The following ACACA variants were observed in gnomAD, a reference collection of about 807,000 sequenced individuals.
The protein encoded by ACACA is acetyl-CoA carboxylase alpha, also known as acetyl-CoA carboxylase 1.
A neutral mutation model predicts 296.1 loss-of-function variants in ACACA; 103 were observed. That is an observed-to-expected ratio of 0.35 (90% CI 0.30 to 0.41). The LOEUF (loss-of-function observed/expected upper bound fraction) is 0.41. Ranked by LOEUF, ACACA falls within the 10% of genes least tolerant of loss-of-function variation. The pLI is 1.00. For missense variants in ACACA, 1,554 were observed against 2,989.7 expected (o/e 0.52, Z 11.20); for synonymous variants, 953 against 1,038.6 (o/e 0.92, Z 1.58).
chr17:37,176,831 C>G (rs182548040), intron 41 of ACACA, among the ~76,000 whole-genome samples: 160 of 152,184 alleles, frequency 1.1e-3, no homozygotes, highest in Non-Finnish European at 1.5e-3. Flanking sequence ...TGTGCAGTGC[C>G]CTATAATCTA....
At chr17:37,390,357 G>A (rs1165885298) in intron 1 of ACACA, among the ~76,000 whole-genome samples, 13 of 80,170 alleles carry the variant, frequency 1.6e-4, no homozygotes, top group Non-Finnish European at 2.7e-4. Flanking sequence ...GGCCGGGCAC[G>A]GTGGCTCACG....
chr17:37,168,831 C>T (rs1404430258), intron 41 of ACACA, among the ~76,000 whole-genome samples: 1 of 152,120 alleles, frequency 6.6e-6, no homozygotes, highest in Non-Finnish European at 1.5e-5. Context: ...TCAGAAGTAA[C>T]TGCTTCAGTG....
chr17:37,122,462 T>G, intron 49 of ACACA, 69 bp downstream of exon 49: 1 of 1,186,392 alleles, frequency 8.4e-7, no homozygotes, highest in Non-Finnish European at 1.2e-6. Context: ...ATGTTCCTGA[T>G]GTATTCACAG....
At chr17:37,148,251 C>A (rs2075897603) in intron 45 of ACACA, among the ~76,000 whole-genome samples, 1 of 151,358 alleles carries the variant, frequency 6.6e-6, no homozygotes, top group Non-Finnish European at 1.5e-5. Context: ...AAAACAACAA[C>A]CTTAAGACTC....
At chr17:37,124,171 A>G (rs950280347) in intron 48 of ACACA, among the ~76,000 whole-genome samples, 2 of 152,232 alleles carry the variant, frequency 1.3e-5, no homozygotes, top group Non-Finnish European at 2.9e-5. Flanking sequence ...TGCTTTTGAA[A>G]GAAGCTAGAG....
At position 37,330,335 on chromosome 17, in the gene ACACA, C is replaced by T; in HGVS notation, c.176G>A (p.Gly59Asp). 1 of 1,614,172 alleles carries T rather than the reference C, an allele frequency of 6.2e-7. No homozygotes were observed. Among genetic ancestry groups the T allele is most frequent in the Non-Finnish European group, 8.5e-7 (1 of 1,180,042 alleles). ...ELNQHSRFII[G>D]SVSEDNSEDE... The stretch of plus-strand genomic sequence containing the variant: ...CTCTGAGTTATCTTCAGACACAGAA[C>T]CTATTATGAATCGAGAGTGCTGGTT... Residue 59 changes from glycine to aspartate, a missense_variant, in exon 3 of 56, where the codon GGT (glycine) becomes GAT (aspartate). Physicochemically the swap from Gly to Asp is moderately conservative, Grantham distance 94. Transcript: ENST00000616317.
At chr17:37,139,642 C>G (rs1421716154) in intron 45 of ACACA, among the ~76,000 whole-genome samples, 1 of 152,174 alleles carries the variant, frequency 6.6e-6, no homozygotes, top group African/African-American at 2.4e-5. Context: ...GGACTTTCAA[C>G]AAGGCAGAGG....
intron 1 of ACACA, among the ~76,000 whole-genome samples, chr17:37,365,089 C>T (rs993791338): frequency 6.6e-6 from 1 of 152,102 alleles, no homozygotes; most frequent in Non-Finnish European, 1.5e-5. Context: ...TCTCCTGCCT[C>T]AGCCTCCCGA....
chr17:37,293,999 T>C (rs1598420317), intron 3 of ACACA, among the ~76,000 whole-genome samples: 3 of 152,166 alleles, frequency 2.0e-5, no homozygotes, highest in East Asian at 3.8e-4. Flanking sequence ...ATGTTTTTAA[T>C]AGCCAGCGAA....
chr17:37,382,221 G>A (rs2050324584), intron 1 of ACACA, among the ~76,000 whole-genome samples: 1 of 152,042 alleles, frequency 6.6e-6, no homozygotes, highest in Admixed American at 6.6e-5. Context: ...CTAGAGGTTG[G>A]TTCCATTGTG....
chr17:37,123,593 T>C (rs1385282328), intron 48 of ACACA, among the ~76,000 whole-genome samples: 3 of 152,158 alleles, frequency 2.0e-5, no homozygotes, highest in Non-Finnish European at 2.9e-5. Context: ...CCATGACAGA[T>C]GGCCTTTGGT....
chr17:37,173,959 G>A (rs1449446710), intron 41 of ACACA, among the ~76,000 whole-genome samples: 3 of 119,210 alleles, frequency 2.5e-5, no homozygotes, highest in African/African-American at 9.4e-5. Flanking sequence ...GATTACAGGC[G>A]CCTGCCAACA....
chr17:37,097,255 T>G lies in ACACA; in HGVS notation c.6721-89A>C. ...GAAACCCACAGGCATAAAAACTGAT[T>G]CTCCAGGCAAGCCCTTCACAGACCC... On this transcript the variant is annotated intron_variant, in intron 53 of 55. Transcript: ENST00000616317. The surrounding 1 kb of genome is among the most constrained non-coding windows in gnomAD (Gnocchi z 4.8). The G allele has an allele frequency of 6.8e-7, 1 of 1,474,118 alleles. No individual in the cohort carries two copies. The highest frequency in any genetic ancestry group is 9.2e-7 in the Non-Finnish European group (1 of 1,081,460). The allele number at this position is 1,474,118 out of a possible 1,614,324, so 91.3% of individuals were successfully genotyped here.
chr17:37,242,814 G>A (rs561765847), intron 22 of ACACA, among the ~76,000 whole-genome samples: 38 of 152,242 alleles, frequency 2.5e-4, no homozygotes, highest in African/African-American at 7.5e-4. Flanking sequence ...CGAGGTGGGC[G>A]GATCACGAGG....
chr17:37,179,125 C>T (rs2077225414), intron 41 of ACACA, 135 bp downstream of exon 41: 1 of 1,096,238 alleles, frequency 9.1e-7, no homozygotes, highest in South Asian at 1.4e-5. Flanking sequence ...TTTCTTGATA[C>T]TCAGTCAATG....
rs2073467461 is a variant in ACACA at position 37,103,205 on chromosome 17, TATGTCA to T, written c.6566-5227_6566-5222del. ...TAATGATTTAGGGGAGATTAACAAA[TATGTCA>T]ATGTCTATTTTCTGCTTAATTTAAA... is the stretch of plus-strand genomic sequence containing the variant. On this transcript the variant is annotated intron_variant, in intron 52 of 55. Coordinates refer to ENST00000616317, the MANE Select transcript of ACACA (RefSeq NM_198834.3). Among the ~76,000 whole-genome samples, 3 of 152,332 alleles carry T rather than the reference TATGTCA, an allele frequency of 2.0e-5. No homozygotes were observed. In the East Asian group the frequency reaches 5.8e-4, roughly 29 times the overall value.
intron 50 of ACACA, among the ~76,000 whole-genome samples, chr17:37,118,280 A>C (rs1358776683): frequency 6.6e-6 from 1 of 152,186 alleles, no homozygotes; most frequent in Non-Finnish European, 1.5e-5. Context: ...ATGGGTACTT[A>C]TTGTTTAAGG....
At chr17:37,111,667 CA>C (rs752253905) in intron 51 of ACACA, 24 bp from the exon 52 acceptor site, 1 of 1,573,564 alleles carries the variant, frequency 6.4e-7, no homozygotes, top group Non-Finnish European at 8.7e-7. Flanking sequence ...AAAGAAAAAA[CA>C]AAACAGAAAT....
At chr17:37,329,912 G>A (rs373546465) in intron 3 of ACACA, among the ~76,000 whole-genome samples, 9 of 152,178 alleles carry the variant, frequency 5.9e-5, no homozygotes, top group African/African-American at 2.2e-4. Flanking sequence ...CTGCACTCCA[G>A]CTTGGGCAAC....
Sources: gnomAD v4.1 joint callset for allele counts (sites outside exome capture counted in the v4.1 genomes callset) on GRCh38, gnomAD v4.1.1 for gene constraint, Gnocchi (gnomAD v3.1) non-coding constraint, MANE v1.5 for transcripts, NCBI Gene and HGNC (gene_info 2026-07-23, HGNC 2026-07-21) for gene names.